Variants in ZMAT4 observed in about 807,000 individuals in gnomAD.
ZMAT4 encodes the protein zinc finger matrin-type 4.
In ZMAT4, 17 loss-of-function variants were observed where a neutral mutation model predicts 28.7. That is an observed-to-expected ratio of 0.59 (90% CI 0.41 to 0.89). The LOEUF (loss-of-function observed/expected upper bound fraction) is 0.89. Ranked by LOEUF, ZMAT4 falls within the 40% of genes least tolerant of loss-of-function variation. ZMAT4 has a pLI of 0.00. For missense variants in ZMAT4, 240 were observed against 283.8 expected (o/e 0.85, Z 1.11); for synonymous variants, 117 against 109.2 (o/e 1.07, Z -0.44).
intron 5 of ZMAT4, among the ~76,000 whole-genome samples, chr8:40,659,426 A>G (rs1162483104): frequency 6.6e-6 from 1 of 152,158 alleles, no homozygotes; most frequent in Non-Finnish European, 1.5e-5. Context: ...CTCAAGCCAA[A>G]TCATAATAAA....
chr8:40,744,949 C>T (rs377433185), intron 3 of ZMAT4, among the ~76,000 whole-genome samples: 2 of 152,182 alleles, frequency 1.3e-5, no homozygotes, highest in Non-Finnish European at 2.9e-5. Flanking sequence ...CAGATCCTTA[C>T]ATAAGAAAGG....
intron 6 of ZMAT4, among the ~76,000 whole-genome samples, chr8:40,564,405 CCCTG>C (rs1803847900): frequency 2.0e-5 from 3 of 152,156 alleles, no homozygotes; most frequent in Admixed American, 6.5e-5. Context: ...CCTTCTCTCC[CCCTG>C]TCAATGACAC....
intron 5 of ZMAT4, among the ~76,000 whole-genome samples, chr8:40,651,460 C>T (rs1807646090): frequency 6.6e-6 from 1 of 151,322 alleles, no homozygotes; most frequent in African/African-American, 2.4e-5. Context: ...ATTCCATGCT[C>T]ATGGGTAGGA....
chr8:40,637,195 C>T (rs930960897), intron 5 of ZMAT4, among the ~76,000 whole-genome samples: 7 of 151,750 alleles, frequency 4.6e-5, no homozygotes, highest in East Asian at 3.9e-4. Context: ...AAATTGCAAA[C>T]GTTAGAGAAG....
chr8:40,564,340 C>T (rs1251796644), intron 6 of ZMAT4, among the ~76,000 whole-genome samples: 1 of 152,134 alleles, frequency 6.6e-6, no homozygotes, highest in Admixed American at 6.5e-5. Context: ...GATTGCCCAA[C>T]CCTGGACCCT....
chr8:40,761,076 G>T (rs1351188078), intron 3 of ZMAT4, among the ~76,000 whole-genome samples: 2 of 151,898 alleles, frequency 1.3e-5, no homozygotes, highest in Non-Finnish European at 2.9e-5. Flanking sequence ...GGGCAGGGGG[G>T]GATAATTTGC....
chr8:40,878,799 C>G (rs891976943), intron 1 of ZMAT4, among the ~76,000 whole-genome samples: 1 of 152,198 alleles, frequency 6.6e-6, no homozygotes, highest in Non-Finnish European at 1.5e-5. Flanking sequence ...GGGAGATGCC[C>G]CCTCCTCTGG....
intron 2 of ZMAT4, among the ~76,000 whole-genome samples, chr8:40,799,000 T>C (rs1179967810): frequency 6.6e-6 from 1 of 152,198 alleles, no homozygotes; most frequent in Non-Finnish European, 1.5e-5. Context: ...GCTGTGTCTG[T>C]CTGTGTGTCC....
intron 3 of ZMAT4, among the ~76,000 whole-genome samples, chr8:40,713,827 T>C (rs1461104583): frequency 6.8e-6 from 1 of 148,110 alleles, no homozygotes; most frequent in East Asian, 2.0e-4. Flanking sequence ...GAGAATCACT[T>C]GAACCCAGGA....
At chr8:40,821,030 T>C (rs1815806911) in intron 2 of ZMAT4, among the ~76,000 whole-genome samples, 1 of 151,430 alleles carries the variant, frequency 6.6e-6, no homozygotes, top group Non-Finnish European at 1.5e-5. Flanking sequence ...TGCGTGTGTA[T>C]GTGTATGTAT....
At position 40,612,591 on chromosome 8, in the gene ZMAT4, C is replaced by T. The variant is rs1434261916; in HGVS notation, c.578-31330G>A. On this transcript the variant is annotated intron_variant, in intron 5 of 6. Coordinates refer to ENST00000297737, the MANE Select transcript of ZMAT4 (RefSeq NM_024645.3). Reference sequence around the variant, plus strand: ...GACCTTGTGTTTATGATCTGAAGTCCATATGTTTGTCCCGGTTTTCCTGCT... The same window carrying T: ...GACCTTGTGTTTATGATCTGAAGTCTATATGTTTGTCCCGGTTTTCCTGCT... 4.4e-5 allele frequency among the ~76,000 whole-genome samples: 6 copies of T among 136,792 alleles called. 3 individuals are homozygous for T. The highest frequency in any genetic ancestry group is 1.0e-4 in the Non-Finnish European group (6 of 59,010). The allele number at this position is 136,792 out of a possible 152,430, so 89.7% of individuals were successfully genotyped here.
chr8:40,731,708 CG>C lies in ZMAT4; in HGVS notation c.193-34308del, dbSNP rs1176922172. ...CTGATCAAAGACTACAGGGAAGACA[CG>C]GAAAAAGTCAAGAAAATGATTTATG... is the stretch of plus-strand genomic sequence containing the variant. On this transcript the variant is annotated intron_variant, in intron 3 of 6. Transcript: ENST00000297737. 3.3e-5 allele frequency among the ~76,000 whole-genome samples: 5 copies of C among 152,060 alleles called. No individual in the cohort carries two copies. The East Asian group carries it at 7.7e-4, about 23-fold the overall frequency.
At chr8:40,889,240 C>T (rs533359185) in intron 1 of ZMAT4, among the ~76,000 whole-genome samples, 1 of 152,370 alleles carries the variant, frequency 6.6e-6, no homozygotes, top group South Asian at 2.1e-4. Context: ...TTGCACACTT[C>T]ACACCTGGCT....
At chr8:40,541,099 T>C (rs1453480574) in intron 6 of ZMAT4, among the ~76,000 whole-genome samples, 1 of 152,182 alleles carries the variant, frequency 6.6e-6, no homozygotes, top group African/African-American at 2.4e-5. Flanking sequence ...GAAGATTAAA[T>C]GAATTAATAT....
chr8:40,636,466 T>G (rs1478842955), intron 5 of ZMAT4, among the ~76,000 whole-genome samples: 2 of 152,202 alleles, frequency 1.3e-5, no homozygotes, highest in Non-Finnish European at 2.9e-5. Context: ...GCCTTTACAG[T>G]GGAGTTTTTT....
intron 2 of ZMAT4, among the ~76,000 whole-genome samples, chr8:40,799,944 G>A (rs1814767263): frequency 1.3e-5 from 2 of 152,122 alleles, no homozygotes; most frequent in South Asian, 2.1e-4. Context: ...AATAACTAAT[G>A]TGTTAATAAA....
chr8:40,556,727 A>G (rs182331643), intron 6 of ZMAT4, among the ~76,000 whole-genome samples: 52 of 152,308 alleles, frequency 3.4e-4, no homozygotes, highest in African/African-American at 1.3e-3. Flanking sequence ...TTACGTATCT[A>G]TGGGGTACAT....
intron 5 of ZMAT4, among the ~76,000 whole-genome samples, chr8:40,582,474 G>GT: frequency 6.6e-6 from 1 of 152,064 alleles, no homozygotes; most frequent in East Asian, 1.9e-4. Context: ...GGATGACAGA[G>GT]TGAGGCCTTG....
At chr8:40,736,623 C>T (rs918236694) in intron 3 of ZMAT4, among the ~76,000 whole-genome samples, 7 of 152,164 alleles carry the variant, frequency 4.6e-5, no homozygotes. Flanking sequence ...GGAAGCATTG[C>T]ACAAATACAT....
Sources: gnomAD v4.1 joint callset for allele counts (sites outside exome capture counted in the v4.1 genomes callset) on GRCh38, gnomAD v4.1.1 for gene constraint, MANE v1.5 for transcripts, NCBI Gene and HGNC (gene_info 2026-07-23, HGNC 2026-07-21) for gene names.